The following TEX9 variants were observed in gnomAD, a reference collection of about 807,000 sequenced individuals.
TEX9 encodes testis expressed 9, also known as testis-expressed protein 9.
TEX9 carries 74 observed loss-of-function variants against 59.6 expected under a neutral mutation model. The ratio of observed to expected loss-of-function variants is 1.24; its 90% CI spans 1.03 to 1.51. TEX9 has a LOEUF of 1.51. TEX9 is among the 40% of genes most tolerant of loss of function. The probability of loss-of-function intolerance (pLI) is 0.00; values close to 1 mark genes in which losing one functional copy is unlikely to be tolerated. For missense variants in TEX9, 522 were observed against 447.8 expected, an observed-to-expected ratio of 1.17 and a Z score of -1.49; for synonymous variants, 186 against 152.2, an observed-to-expected ratio of 1.22 and a Z score of -1.64.
At position 56,384,033 on chromosome 15, in the gene TEX9, T is replaced by G. The variant is rs2047854887; in HGVS notation, c.263+2T>G. 1 of 1,609,306 alleles carries G rather than the reference T, an allele frequency of 6.2e-7. No homozygotes were observed. The highest frequency in any genetic ancestry group is 1.3e-5 in the African/African-American group (1 of 74,738). Reference sequence around the variant, plus strand: ...TGACGAAGATGATTACAGTTTAAGGTAAGTATCTTAAATTCTCAAGCACCT... The same window carrying G: ...TGACGAAGATGATTACAGTTTAAGGGAAGTATCTTAAATTCTCAAGCACCT... On this transcript the variant is annotated splice_donor_variant, in intron 4 of 12. Transcript: ENST00000352903. LOFTEE classifies it high-confidence loss of function.
chr15:56,369,314 C>T (rs1243069674), intron 2 of TEX9, among the ~76,000 whole-genome samples: 3 of 151,264 alleles, frequency 2.0e-5, no homozygotes, highest in South Asian at 2.1e-4. Flanking sequence ...CCCAGCCTCC[C>T]GAGGAGCTGG....
At chr15:56,306,257 CAAAAAAAAAA>C in intron 1 of TEX9, among the ~76,000 whole-genome samples, 1 of 79,436 alleles carries the variant, frequency 1.3e-5, no homozygotes, top group South Asian at 4.8e-4. Context: ...AGGTACATAG[CAAAAAAAAAA>C]AAAAAAAAAA....
chr15:56,249,090 A>G (rs979931081), intron 1 of TEX9: 4 of 152,234 alleles, frequency 2.6e-5, no homozygotes, highest in Non-Finnish European at 5.9e-5. Context: ...CAGCCCATAC[A>G]TATTTTTAAA....
intron 1 of TEX9, among the ~76,000 whole-genome samples, chr15:56,314,746 G>A (rs1320855818): frequency 6.6e-6 from 1 of 151,288 alleles, no homozygotes; most frequent in Non-Finnish European, 1.5e-5. Flanking sequence ...TGTTGACAGT[G>A]GGGTGTTAAA....
At chr15:56,316,018 T>C (rs1304956581) in intron 1 of TEX9, among the ~76,000 whole-genome samples, 6 of 151,356 alleles carry the variant, frequency 4.0e-5, no homozygotes, top group Admixed American at 3.3e-4. Context: ...CTTTAAGCAC[T>C]TCTCTGTATT....
intron 9 of TEX9, among the ~76,000 whole-genome samples, chr15:56,398,960 T>C (rs1020107551): frequency 6.6e-6 from 1 of 152,118 alleles, no homozygotes; most frequent in African/African-American, 2.4e-5. Flanking sequence ...GGTGAAACCC[T>C]GTCTCTACTA....
At chr15:56,292,475 C>A (rs1278586059) in intron 1 of TEX9, among the ~76,000 whole-genome samples, 1 of 152,124 alleles carries the variant, frequency 6.6e-6, no homozygotes, top group Non-Finnish European at 1.5e-5. Flanking sequence ...TAACACTATA[C>A]AGGCAAAAAT....
chr15:56,280,795 T>G (rs2044797269), intron 1 of TEX9, among the ~76,000 whole-genome samples: 1 of 152,212 alleles, frequency 6.6e-6, no homozygotes, highest in Non-Finnish European at 1.5e-5. Flanking sequence ...AAGCCAGATT[T>G]TATGCCTAAG....
At chr15:56,379,255 T>G (rs976588101) in intron 3 of TEX9, among the ~76,000 whole-genome samples, 2 of 152,136 alleles carry the variant, frequency 1.3e-5, no homozygotes, top group Non-Finnish European at 2.9e-5. Flanking sequence ...GTGTTTTCAT[T>G]ATCATTTGTT....
intron 1 of TEX9, among the ~76,000 whole-genome samples, chr15:56,354,401 T>C (rs574379071): frequency 6.6e-6 from 1 of 152,324 alleles, no homozygotes; most frequent in South Asian, 2.1e-4. Flanking sequence ...ACTAGGTTTC[T>C]AGAGCCCTTT....
chr15:56,369,034 A>G (rs2047071054), intron 2 of TEX9, among the ~76,000 whole-genome samples: 1 of 151,754 alleles, frequency 6.6e-6, no homozygotes, highest in Non-Finnish European at 1.5e-5. Context: ...TTTCTCTCCA[A>G]CTGTAGGTTA....
chr15:56,309,694 T>G (rs979300872), intron 1 of TEX9, among the ~76,000 whole-genome samples: 2 of 9,904 alleles, frequency 2.0e-4, no homozygotes, highest in African/African-American at 3.4e-4. Context: ...TTATGGGAAG[T>G]TTTTTTTTTT....
chr15:56,260,150 G>T (rs1278314581), intron 1 of TEX9, among the ~76,000 whole-genome samples: 1 of 151,828 alleles, frequency 6.6e-6, no homozygotes, highest in African/African-American at 2.4e-5. Flanking sequence ...ATATTATTTT[G>T]GGTTTTTCTA....
At chr15:56,437,422 T>C (rs191124347) in intron 12 of TEX9, among the ~76,000 whole-genome samples, 1 of 152,062 alleles carries the variant, frequency 6.6e-6, no homozygotes, top group African/African-American at 2.4e-5. Context: ...ACAGCCCTTC[T>C]TGCTAAAAAC....
At chr15:56,320,693 G>A (rs551303003) in intron 1 of TEX9, among the ~76,000 whole-genome samples, 1 of 152,300 alleles carries the variant, frequency 6.6e-6, no homozygotes, top group South Asian at 2.1e-4. Flanking sequence ...TATGCTTGCT[G>A]TATATAATTA....
chr15:56,295,186 A>G (rs1305066421), intron 1 of TEX9, among the ~76,000 whole-genome samples: 1 of 152,210 alleles, frequency 6.6e-6, no homozygotes, highest in Non-Finnish European at 1.5e-5. Context: ...ACTGGGGACC[A>G]TTTATTGTAC....
intron 9 of TEX9, among the ~76,000 whole-genome samples, chr15:56,401,467 A>T (rs2142469473): frequency 6.6e-6 from 1 of 152,326 alleles, no homozygotes; most frequent in South Asian, 2.1e-4. Flanking sequence ...TATGCACCCA[A>T]TACAGGAACA....
chr15:56,423,163 G>A lies in TEX9; in HGVS notation c.964-4442G>A, dbSNP rs529400125. 2.1e-4 allele frequency among the ~76,000 whole-genome samples: 32 copies of A among 152,294 alleles called. 1 individual carries two copies. In the South Asian group the frequency reaches 6.4e-3, roughly 31 times the overall value. On this transcript the variant is annotated intron_variant, in intron 10 of 12. Transcript: ENST00000352903. The stretch of plus-strand genomic sequence containing the variant: ...AAAAGTGAAATGCTAGTTCCTTGAT[G>A]TGTAAAGTCAGGTTGATTTGAAATC...
intron 12 of TEX9, among the ~76,000 whole-genome samples, chr15:56,435,915 T>C (rs1015912221): frequency 6.6e-6 from 1 of 151,912 alleles, no homozygotes; most frequent in Non-Finnish European, 1.5e-5. Flanking sequence ...ATTAGAAAAA[T>C]AGATCATACA....
Sources: allele counts gnomAD v4.1 joint callset (sites outside exome capture counted in the v4.1 genomes callset), GRCh38; gene constraint gnomAD v4.1.1; transcripts MANE v1.5; gene names NCBI Gene and HGNC (gene_info 2026-07-23, HGNC 2026-07-21).